Variants in RAB27A observed in about 807,000 individuals in gnomAD.
RAB27A encodes the protein ras-related protein Rab-27A.
In RAB27A, 17 loss-of-function variants were observed where a neutral mutation model predicts 20.8. The ratio of observed to expected loss-of-function variants is 0.82; its 90% CI spans 0.56 to 1.23. The LOEUF (loss-of-function observed/expected upper bound fraction) is 1.23. Among genes scored for constraint, RAB27A ranks in the 50% most tolerant of loss-of-function variants. RAB27A has a pLI of 0.00. For synonymous variants in RAB27A, 85 were observed against 92.8 expected, an observed-to-expected ratio of 0.92 and a Z score of 0.48; for missense variants, 277 against 266.7, an observed-to-expected ratio of 1.04 and a Z score of -0.27.
At chr15:55,305,851 A>T (rs1336702909) in intron 2 of RAB27A, among the ~76,000 whole-genome samples, 1 of 152,174 alleles carries the variant, frequency 6.6e-6, no homozygotes, top group Non-Finnish European at 1.5e-5. Context: ...TTTGTAGTAG[A>T]ACTGAGTACA....
chr15:55,301,029 C>T (rs906159966), intron 2 of RAB27A, among the ~76,000 whole-genome samples: 5 of 152,174 alleles, frequency 3.3e-5, no homozygotes, highest in Non-Finnish European at 7.3e-5. Flanking sequence ...TTGATGGCCA[C>T]TGGATACAGG....
intron 1 of RAB27A, among the ~76,000 whole-genome samples, chr15:55,274,304 C>T (rs1897788517): frequency 6.6e-6 from 1 of 151,740 alleles, no homozygotes; most frequent in South Asian, 2.1e-4. Flanking sequence ...AGAAAGATCT[C>T]CAGTAAACAA....
At chr15:55,258,465 C>A (rs889643886) in intron 2 of RAB27A, among the ~76,000 whole-genome samples, 1 of 152,136 alleles carries the variant, frequency 6.6e-6, no homozygotes, top group African/African-American at 2.4e-5. Context: ...GTCCAGCCAC[C>A]CTGAGGGACA....
chr15:55,215,987 G>A (rs1225411439), intron 6 of RAB27A, among the ~76,000 whole-genome samples: 3 of 149,244 alleles, frequency 2.0e-5, no homozygotes, highest in Admixed American at 6.7e-5. Context: ...AACCTCTGGA[G>A]TCATGCTGCC....
rs542127489 is a variant in RAB27A at position 55,302,468 on chromosome 15, G to T, written c.-112+11571C>A. 5.3e-5 allele frequency among the ~76,000 whole-genome samples: 8 copies of T among 152,242 alleles called. No individual in the cohort carries two copies. The South Asian group carries it at 1.7e-3, about 32-fold the overall frequency. On this transcript the variant is annotated intron_variant, in intron 2 of 5. Transcript: ENST00000563262. ...GCCTGCCTTGGCCTCCCAAAGTGCC[G>T]AGATGGCAGCCTCTGCCCGGCCGCC... is the stretch of plus-strand genomic sequence containing the variant.
At chr15:55,210,071 C>CAT (rs1566896802) in intron 6 of RAB27A, among the ~76,000 whole-genome samples, 1 of 128,532 alleles carries the variant, frequency 7.8e-6, no homozygotes, top group East Asian at 2.3e-4. Flanking sequence ...TGTGTGTGTA[C>CAT]ATATACATAT....
chr15:55,234,279 AG>A (rs1896161958), intron 3 of RAB27A, among the ~76,000 whole-genome samples: 1 of 152,230 alleles, frequency 6.6e-6, no homozygotes, highest in African/African-American at 2.4e-5. Flanking sequence ...AACATTCTGC[AG>A]AACATCACAT....
At chr15:55,213,385 T>C (rs1895117715) in intron 6 of RAB27A, among the ~76,000 whole-genome samples, 1 of 152,224 alleles carries the variant, frequency 6.6e-6, no homozygotes, top group Admixed American at 6.5e-5. Flanking sequence ...TAAAGTTTTC[T>C]TTTTTAACTT....
chr15:55,220,570 C>T (rs910618073), intron 6 of RAB27A, among the ~76,000 whole-genome samples: 16 of 152,064 alleles, frequency 1.1e-4, no homozygotes, highest in Non-Finnish European at 2.9e-5. Context: ...CACACCTGGC[C>T]CCAGTGATCT....
At chr15:55,225,474 G>A (rs1692643728) in intron 5 of RAB27A, among the ~76,000 whole-genome samples, 1 of 152,192 alleles carries the variant, frequency 6.6e-6, no homozygotes, top group South Asian at 2.1e-4. Context: ...CTAAGAATTT[G>A]TTGACATGCA....
intron 2 of RAB27A, among the ~76,000 whole-genome samples, chr15:55,297,684 C>T (rs1566939612): frequency 6.6e-6 from 1 of 152,180 alleles, no homozygotes. Flanking sequence ...GCTTCCTTGT[C>T]CCCACCCAGG....
Position 55,241,600 on chromosome 15 carries a change from T to TTCTATATATATATATATA in RAB27A, c.-22-6645_-22-6644insTATATATATATATATAGA, listed in dbSNP as rs1388634936. Among the ~76,000 whole-genome samples, 52 of 123,850 alleles carry TTCTATATATATATATATA rather than the reference T, an allele frequency of 4.2e-4. 5 individuals are homozygous for TTCTATATATATATATATA. The highest frequency in any genetic ancestry group is 2.0e-3 in the African/African-American group (47 of 23,420). The allele number at this position is 123,850 out of a possible 152,430, so 81.3% of individuals were successfully genotyped here. On this transcript the variant is annotated intron_variant, in intron 2 of 6. Transcript: ENST00000336787. ...AGCCCAGGCAACTAGCAAGACCTAT[T>TTCTATATATATATATATA]TATATATATATATATATATATATAT...
At chr15:55,220,472 T>C (rs1180566670) in intron 6 of RAB27A, among the ~76,000 whole-genome samples, 4 of 152,142 alleles carry the variant, frequency 2.6e-5, no homozygotes, top group African/African-American at 4.8e-5. Context: ...GGTTTCACCA[T>C]GTTGGCCAGG....
At chr15:55,238,991 T>C (rs763541509) in intron 2 of RAB27A, among the ~76,000 whole-genome samples, 3 of 152,216 alleles carry the variant, frequency 2.0e-5, no homozygotes, top group Admixed American at 6.5e-5. Context: ...AAACCTGATA[T>C]ATCTAACCAA....
chr15:55,211,007 T>G (rs28889339), intron 6 of RAB27A, among the ~76,000 whole-genome samples: 40,729 of 152,054 alleles, frequency 0.27, 7,092 homozygotes, highest in African/African-American at 0.5. Flanking sequence ...CCAGCATCAT[T>G]TATTGAAGAG....
chr15:55,303,448 T>C (rs1595755823), intron 2 of RAB27A, among the ~76,000 whole-genome samples: 1 of 48,960 alleles, frequency 2.0e-5, no homozygotes, highest in Non-Finnish European at 3.2e-5. Flanking sequence ...GTGTCAGCCC[T>C]CCGCCCGGCC....
chr15:55,226,654 G>A (rs1303898888), intron 5 of RAB27A, among the ~76,000 whole-genome samples: 1 of 152,102 alleles, frequency 6.6e-6, no homozygotes, highest in Non-Finnish European at 1.5e-5. Context: ...TGGATCACCT[G>A]AGGTCAGGAG....
At chr15:55,293,872 G>A (rs145789419), upstream of RAB27A, among the ~76,000 whole-genome samples, 764 of 152,170 alleles carry the variant, frequency 5.0e-3, 14 homozygotes, top group East Asian at 0.016. Context: ...AGCCGAGATC[G>A]TGCAACTGCA....
intron 1 of RAB27A, among the ~76,000 whole-genome samples, chr15:55,314,730 G>A (rs919234242): frequency 1.3e-5 from 2 of 152,116 alleles, no homozygotes; most frequent in Admixed American, 1.3e-4. Flanking sequence ...CCTCTTCAAG[G>A]AGAACTACAA....
Sources: gnomAD v4.1 joint callset for allele counts (sites outside exome capture counted in the v4.1 genomes callset) on GRCh38, gnomAD v4.1.1 for gene constraint, MANE v1.5 for transcripts, NCBI Gene and HGNC (gene_info 2026-07-23, HGNC 2026-07-21) for gene names.